SDK2: variants seen among roughly 807,000 people sequenced by gnomAD.
SDK2 encodes the protein sidekick cell adhesion molecule 2, also known as protein sidekick-2.
In SDK2, 105 loss-of-function variants were observed where a neutral mutation model predicts 253.9. The ratio of observed to expected loss-of-function variants is 0.41; its 90% CI spans 0.35 to 0.49. SDK2 has a LOEUF of 0.49. Ranked by LOEUF, SDK2 falls within the 20% of genes least tolerant of loss-of-function variation. SDK2 has a pLI of 0.06. For missense variants in SDK2, 2,608 were observed against 3,003.0 expected, an observed-to-expected ratio of 0.87 and a Z score of 3.07; for synonymous variants, 1,249 against 1,234.9, an observed-to-expected ratio of 1.01 and a Z score of -0.24.
chr17:73,383,520 G>A lies in SDK2; in HGVS notation c.4705+356C>T, dbSNP rs1462296920. Reference sequence around the variant, plus strand: ...CTGGTTAACTTGGCATCATCCTTCCGTGTTAGCGCCAGTGCTGGTGCCGGG... The same window carrying A: ...CTGGTTAACTTGGCATCATCCTTCCATGTTAGCGCCAGTGCTGGTGCCGGG... On this transcript the variant is annotated intron_variant, in intron 33 of 44. Coordinates refer to ENST00000392650, the MANE Select transcript of SDK2 (RefSeq NM_001144952.2). This position sits in a 1 kb window ranked among gnomAD's most constrained non-coding sequence, Gnocchi z 4.3. Among the ~76,000 whole-genome samples the A allele has an allele frequency of 2.0e-5, 3 of 152,278 alleles. No individual in the cohort carries two copies. The highest frequency in any genetic ancestry group is 1.3e-4 in the Admixed American group (2 of 15,300).
rs1434078024 is a variant in SDK2, at chr17:73,447,835, C to A, written c.480-87G>T. 3.4e-6 allele frequency: 5 copies of A among 1,479,524 alleles called. No individual in the cohort carries two copies. The highest frequency in any genetic ancestry group is 3.7e-6 in the Non-Finnish European group (4 of 1,088,522). The allele number at this position is 1,479,524 out of a possible 1,614,324, so 91.6% of individuals were successfully genotyped here. Reference sequence around the variant, plus strand: ...GGGAGTGGAAACCCTAAGGGGGAAGCCCGACCATATCTCCCAGTCCCCAGC... The same window carrying A: ...GGGAGTGGAAACCCTAAGGGGGAAGACCGACCATATCTCCCAGTCCCCAGC... On this transcript the variant is annotated intron_variant, in intron 4 of 44. Coordinates refer to ENST00000392650, the MANE Select transcript of SDK2 (RefSeq NM_001144952.2). This position sits in a 1 kb window ranked among gnomAD's most constrained non-coding sequence, Gnocchi z 4.0.
rs1197587400 is a variant in SDK2 at position 73,405,451 on chromosome 17, AAAAC to A, written c.2485-3314_2485-3311del. 7.9e-3 allele frequency among the ~76,000 whole-genome samples: 890 copies of A among 113,098 alleles called. 14 individuals carry two copies. Among genetic ancestry groups the A allele is most frequent in the Non-Finnish European group, 0.013 (718 of 56,156 alleles). The allele number at this position is 113,098 out of a possible 152,430, so 74.2% of individuals were successfully genotyped here. On this transcript the variant is annotated intron_variant, in intron 18 of 44. Coordinates refer to ENST00000392650, the MANE Select transcript of SDK2 (RefSeq NM_001144952.2). The stretch of plus-strand genomic sequence containing the variant: ...CAAAACTCCTTCTCAAAAAAAAAAA[AAAAC>A]AAACAAAAAACCATATATATATATA...
rs564409315 is a variant in SDK2 at position 73,622,918 on chromosome 17, G to T, written c.64+21107C>A. Among the ~76,000 whole-genome samples the T allele has an allele frequency of 3.3e-5, 5 of 152,324 alleles. No homozygotes were observed. The East Asian group carries it at 7.7e-4, about 24-fold the overall frequency. ...TTGTCATTCCTTGGAGAGGTAGCGG[G>T]GGCCCAGCCCTCCCCTTCACCCATC... On this transcript the variant is annotated intron_variant, in intron 1 of 44. Transcript: ENST00000392650.
At chr17:73,513,533 A>G (rs2063998322) in intron 1 of SDK2, 1 of 152,226 alleles carries the variant, frequency 6.6e-6, no homozygotes, top group African/African-American at 2.4e-5. Flanking sequence ...CCTCTACGAG[A>G]GCAATTTGGC....
intron 1 of SDK2, among the ~76,000 whole-genome samples, chr17:73,557,143 G>GA (rs1232465123): frequency 1.3e-5 from 2 of 152,164 alleles, no homozygotes; most frequent in African/African-American, 4.8e-5. Flanking sequence ...TATACAATGG[G>GA]AATAATGAGA....
At chr17:73,563,560 C>T (rs944645543) in intron 1 of SDK2, among the ~76,000 whole-genome samples, 3 of 152,202 alleles carry the variant, frequency 2.0e-5, no homozygotes, top group African/African-American at 7.2e-5. Context: ...GTTTGGAAGA[C>T]AGAATGAGAC....
intron 1 of SDK2, among the ~76,000 whole-genome samples, chr17:73,574,244 A>T (rs1414578887): frequency 6.6e-6 from 1 of 152,232 alleles, no homozygotes; most frequent in Non-Finnish European, 1.5e-5. Context: ...ATAAATATTT[A>T]TCACATGAAT....
intron 1 of SDK2, among the ~76,000 whole-genome samples, chr17:73,589,105 G>A (rs2045646442): frequency 6.6e-6 from 1 of 152,278 alleles, no homozygotes; most frequent in South Asian, 2.1e-4. Context: ...AAGACAAACT[G>A]CAGGCATCAC....
intron 18 of SDK2, among the ~76,000 whole-genome samples, chr17:73,413,242 G>C (rs1357679408): frequency 6.6e-6 from 1 of 151,820 alleles, no homozygotes; most frequent in East Asian, 1.9e-4. Context: ...GAGGGATCTA[G>C]GTTGCGTACT....
chr17:73,338,929 G>T lies in SDK2; in HGVS notation c.6177C>A (p.Ser2059Arg). 2.5e-6 allele frequency: 4 copies of T among 1,613,870 alleles called. No homozygotes were observed. The highest frequency in any genetic ancestry group is 3.4e-6 in the Non-Finnish European group (4 of 1,179,778). ...GGTGGTTTGAGTCGACCTCGTACTC[G>T]CTGTCACTTCCCTGGGAGGACAGAG... ...SEISDSQGSDSEYEVDSNHQK... is the reference protein window; with the variant it reads ...SEISDSQGSDREYEVDSNHQK... Residue 2059 changes from serine to arginine, a missense_variant, in exon 45 of 45, where the codon AGC becomes AGA. This residue lies in a region of SDK2 where 1,103 missense variants were observed against 1,143.9 expected (regional missense o/e 0.96). Coordinates refer to ENST00000392650, the MANE Select transcript of SDK2 (RefSeq NM_001144952.2). The surrounding 1 kb of genome is among the most constrained non-coding windows in gnomAD (Gnocchi z 5.0).
chr17:73,414,418 C>T (rs941922995), intron 18 of SDK2, among the ~76,000 whole-genome samples: 2 of 152,114 alleles, frequency 1.3e-5, no homozygotes, highest in African/African-American at 4.8e-5. Flanking sequence ...TGGGAAGGAC[C>T]GTAGCACTGA....
At chr17:73,507,291 G>A (rs536815736) in intron 2 of SDK2, 147 bp downstream of exon 2, 199 of 830,394 alleles carry the variant, frequency 2.4e-4, no homozygotes, top group Middle Eastern at 1.5e-3. Flanking sequence ...TTGGGGCAGG[G>A]CTGCCTTTGC....
At chr17:73,567,479 C>G (rs549324838) in intron 1 of SDK2, among the ~76,000 whole-genome samples, 2 of 152,262 alleles carry the variant, frequency 1.3e-5, no homozygotes, top group African/African-American at 4.8e-5. Flanking sequence ...GGGTCCTCAC[C>G]GGGACACTGC....
intron 1 of SDK2, among the ~76,000 whole-genome samples, chr17:73,606,271 G>A (rs1307509566): frequency 6.6e-6 from 1 of 152,172 alleles, no homozygotes; most frequent in Admixed American, 6.5e-5. Flanking sequence ...CCCTAGGGAA[G>A]CTGGGCTGGG....
At position 73,380,176 on chromosome 17, in the gene SDK2, C is replaced by A. The variant is rs566977820; in HGVS notation, c.4763-627G>T. Among the ~76,000 whole-genome samples the A allele has an allele frequency of 3.3e-5, 5 of 152,226 alleles. No homozygotes were observed. In the East Asian group the frequency reaches 9.7e-4, roughly 29 times the overall value. On this transcript the variant is annotated intron_variant, in intron 34 of 44. Coordinates refer to ENST00000392650, the MANE Select transcript of SDK2 (RefSeq NM_001144952.2). Reference sequence around the variant, plus strand: ...CACTCTTCTCTCTGGGTTCCCTGCCCCTGCTTCCTTCCCCTGGGTAGGTCT... The same window carrying A: ...CACTCTTCTCTCTGGGTTCCCTGCCACTGCTTCCTTCCCCTGGGTAGGTCT...
chr17:73,393,200 G>A lies in SDK2; in HGVS notation c.3898+360C>T, dbSNP rs184666965. On this transcript the variant is annotated intron_variant, in intron 27 of 44. Coordinates refer to ENST00000392650, the MANE Select transcript of SDK2 (RefSeq NM_001144952.2). ...GCGGAGGTTGTAGTGGGCCAAGATCGCACCACTGCACTCCAGCCTGGGTGA... is the reference window on the plus strand; with the variant it reads ...GCGGAGGTTGTAGTGGGCCAAGATCACACCACTGCACTCCAGCCTGGGTGA... 1.5e-4 allele frequency among the ~76,000 whole-genome samples: 19 copies of A among 125,662 alleles called. No homozygotes were observed. In the South Asian group the frequency reaches 2.4e-3, roughly 16 times the overall value. 82.4% of individuals were successfully genotyped at this position (125,662 alleles called of 152,430 possible).
In SDK2 at chr17:73,401,976, TG is replaced by T; in HGVS notation, c.2649del (p.Ser883ArgfsTer19). On this transcript the variant is annotated frameshift_variant, in exon 19 of 45. Coordinates refer to ENST00000392650, the MANE Select transcript of SDK2 (RefSeq NM_001144952.2). LOFTEE classifies it high-confidence loss of function. ...CFTTPGDGPR[S>X]TPQLVRTHED... ...TCATGGGTGCGCACCAGCTGCGGGG[TG>T]CTGCGTGGCCCGTCCCCGGGGGTGG... The T allele has an allele frequency of 6.2e-7, 1 of 1,611,336 alleles. No individual in the cohort carries two copies. The highest frequency in any genetic ancestry group is 8.5e-7 in the Non-Finnish European group (1 of 1,179,088).
intron 39 of SDK2, among the ~76,000 whole-genome samples, chr17:73,360,966 A>G (rs1290417309): frequency 2.0e-5 from 3 of 147,974 alleles, no homozygotes. Flanking sequence ...CCAAACAACA[A>G]CAACAGAAAC....
intron 1 of SDK2, among the ~76,000 whole-genome samples, chr17:73,524,614 C>CT (rs2064110916): frequency 6.6e-6 from 1 of 152,216 alleles, no homozygotes; most frequent in Non-Finnish European, 1.5e-5. Flanking sequence ...TTCCCAGGAC[C>CT]CCTGTCTGCA....
Sources: gnomAD v4.1 joint callset for allele counts (sites outside exome capture counted in the v4.1 genomes callset) on GRCh38, gnomAD v4.1.1 for gene constraint, gnomAD v4.1.1 regional missense constraint, Gnocchi (gnomAD v3.1) non-coding constraint, MANE v1.5 for transcripts, NCBI Gene and HGNC (gene_info 2026-07-23, HGNC 2026-07-21) for gene names.